The following AGBL4 variants were observed in gnomAD, a reference collection of about 807,000 sequenced individuals.
AGBL4 encodes the protein AGBL carboxypeptidase 4.
AGBL4 carries 58 observed loss-of-function variants against 66.4 expected under a neutral mutation model. That is an observed-to-expected ratio of 0.87 (90% CI 0.71 to 1.09). The LOEUF (loss-of-function observed/expected upper bound fraction) is 1.09, where lower values mean the gene tolerates loss of function less well. Ranked by LOEUF, AGBL4 falls within the 50% of genes least tolerant of loss-of-function variation. AGBL4 has a pLI of 0.00. For synonymous variants in AGBL4, 234 were observed against 222.9 expected, an observed-to-expected ratio of 1.05 and a Z score of -0.44; for missense variants, 579 against 631.0, an observed-to-expected ratio of 0.92 and a Z score of 0.88.
intron 1 of AGBL4, among the ~76,000 whole-genome samples, chr1:49,868,182 G>C (rs1344176367): frequency 1.3e-5 from 2 of 152,138 alleles, no homozygotes; most frequent in African/African-American, 4.8e-5. Context: ...TCAGTACCAT[G>C]GAAATGAACA....
intron 1 of AGBL4, among the ~76,000 whole-genome samples, chr1:49,859,559 T>C (rs1205592046): frequency 1.3e-5 from 2 of 152,144 alleles, no homozygotes; most frequent in South Asian, 2.1e-4. Flanking sequence ...TCTCAGCATA[T>C]GAAGAATTAA....
intron 5 of AGBL4, among the ~76,000 whole-genome samples, chr1:48,874,384 T>C (rs1342328698): frequency 2.0e-5 from 3 of 152,148 alleles, no homozygotes; most frequent in Non-Finnish European, 4.4e-5. Context: ...CTCTCCAAAC[T>C]CACTGCTTCT....
At chr1:48,845,891 T>A (rs1646898049) in intron 6 of AGBL4, among the ~76,000 whole-genome samples, 1 of 152,204 alleles carries the variant, frequency 6.6e-6, no homozygotes, top group Admixed American at 6.5e-5. Context: ...ATTAAGTGAG[T>A]TAATGTACCA....
intron 6 of AGBL4, among the ~76,000 whole-genome samples, chr1:48,703,927 G>A (rs1646841631): frequency 6.6e-6 from 1 of 152,212 alleles, no homozygotes; most frequent in South Asian, 2.1e-4. Context: ...GATATGTTCT[G>A]GGAAATGCCT....
chr1:49,956,852 A>T (rs1656650659), intron 1 of AGBL4, among the ~76,000 whole-genome samples: 1 of 151,994 alleles, frequency 6.6e-6, no homozygotes, highest in South Asian at 2.1e-4. Context: ...TCTCTGAAAG[A>T]GAACTGATCA....
At chr1:49,637,253 C>A (rs1022076927) in intron 3 of AGBL4, among the ~76,000 whole-genome samples, 14 of 151,836 alleles carry the variant, frequency 9.2e-5, no homozygotes, top group Non-Finnish European at 4.4e-5. Flanking sequence ...TTTAAAGAAC[C>A]CTGACTAATA....
At chr1:48,641,484 A>G (rs115367743) in intron 8 of AGBL4, among the ~76,000 whole-genome samples, 2,330 of 152,232 alleles carry the variant, frequency 0.015, 64 homozygotes, top group African/African-American at 0.054. Context: ...CTGTGAAGAC[A>G]GAGAGGAGGG....
chr1:48,582,028 T>A (rs1644748042), intron 11 of AGBL4, among the ~76,000 whole-genome samples: 1 of 152,206 alleles, frequency 6.6e-6, no homozygotes, highest in Admixed American at 6.5e-5. Flanking sequence ...TCCCAAAAAA[T>A]GAACTCTGCA....
intron 1 of AGBL4, among the ~76,000 whole-genome samples, chr1:49,863,178 T>C (rs1251734268): frequency 6.6e-6 from 1 of 151,976 alleles, no homozygotes; most frequent in Non-Finnish European, 1.5e-5. Flanking sequence ...GCCAAGAACA[T>C]ACACTCAGGA....
chr1:48,965,634 T>C (rs919479987), intron 5 of AGBL4, among the ~76,000 whole-genome samples: 1 of 152,132 alleles, frequency 6.6e-6, no homozygotes, highest in Non-Finnish European at 1.5e-5. Flanking sequence ...TCCTGACAAT[T>C]TGAGTTGTAT....
intron 3 of AGBL4, among the ~76,000 whole-genome samples, chr1:49,542,249 C>T (rs1162628354): frequency 6.6e-6 from 1 of 152,166 alleles, no homozygotes; most frequent in Non-Finnish European, 1.5e-5. Context: ...GCAACCTGCT[C>T]AGGTCCACTT....
At chr1:48,982,309 T>C (rs1659838612) in intron 5 of AGBL4, among the ~76,000 whole-genome samples, 1 of 152,200 alleles carries the variant, frequency 6.6e-6, no homozygotes, top group Non-Finnish European at 1.5e-5. Context: ...ACTCGTCATT[T>C]AACATTAGGT....
At chr1:49,640,767 AC>A (rs1353097530) in intron 3 of AGBL4, among the ~76,000 whole-genome samples, 1 of 152,180 alleles carries the variant, frequency 6.6e-6, no homozygotes, top group Non-Finnish European at 1.5e-5. Flanking sequence ...TATACTTTAT[AC>A]ATGACTTCTT....
intron 5 of AGBL4, among the ~76,000 whole-genome samples, chr1:49,016,010 A>T (rs1662792835): frequency 6.6e-6 from 1 of 152,126 alleles, no homozygotes. Flanking sequence ...TAGAATATAG[A>T]CACCACCACC....
At chr1:49,714,914 T>C (rs1433112810) in intron 2 of AGBL4, among the ~76,000 whole-genome samples, 1 of 152,048 alleles carries the variant, frequency 6.6e-6, no homozygotes, top group Non-Finnish European at 1.5e-5. Flanking sequence ...CCATTCTCTT[T>C]TCTATGCATC....
chr1:49,770,236 G>A (rs191720920), intron 2 of AGBL4, among the ~76,000 whole-genome samples: 4 of 152,220 alleles, frequency 2.6e-5, no homozygotes, highest in South Asian at 2.1e-4. Flanking sequence ...ATTATGAAGC[G>A]ATGTAGAATT....
chr1:49,888,329 C>T (rs1417102129), intron 1 of AGBL4, among the ~76,000 whole-genome samples: 1 of 152,104 alleles, frequency 6.6e-6, no homozygotes, highest in Non-Finnish European at 1.5e-5. Context: ...TTTTAATGCA[C>T]TATGTACTGA....
intron 3 of AGBL4, among the ~76,000 whole-genome samples, chr1:49,391,222 A>C (rs755123079): frequency 2.6e-5 from 4 of 152,188 alleles, no homozygotes; most frequent in Non-Finnish European, 2.9e-5. Flanking sequence ...GGCAACATTG[A>C]AGAGGGCCTT....
intron 1 of AGBL4, among the ~76,000 whole-genome samples, chr1:49,947,991 TATATATAAATATATATAA>T (rs1462184242): frequency 3.8e-4 from 24 of 62,600 alleles, no homozygotes; most frequent in African/African-American, 1.8e-3. Flanking sequence ...TATATATTTA[TATATATAAATATATATAA>T]ATATATAAAT....
Sources: gnomAD v4.1 joint callset for allele counts (sites outside exome capture counted in the v4.1 genomes callset) on GRCh38, gnomAD v4.1.1 for gene constraint, MANE v1.5 for transcripts, NCBI Gene and HGNC (gene_info 2026-07-23, HGNC 2026-07-21) for gene names.